Variants in FBXW7 observed in about 807,000 individuals in gnomAD.
The protein encoded by FBXW7 is F-box and WD repeat domain containing 7, also known as F-box/WD repeat-containing protein 7.
A neutral mutation model predicts 86.3 loss-of-function variants in FBXW7; 11 were observed. That is an observed-to-expected ratio of 0.13 (90% CI 0.08 to 0.21). The LOEUF is 0.21. Ranked by LOEUF, FBXW7 falls within the 10% of genes least tolerant of loss-of-function variation. FBXW7 has a pLI of 1.00. For synonymous variants in FBXW7, 313 were observed against 297.9 expected (o/e 1.05, Z -0.52); for missense variants, 488 against 847.4 (o/e 0.58, Z 5.27).
At chr4:152,464,424 T>A (rs774743228) in intron 2 of FBXW7, among the ~76,000 whole-genome samples, 1 of 152,106 alleles carries the variant, frequency 6.6e-6, no homozygotes, top group Non-Finnish European at 1.5e-5. Context: ...AAAAAGGGTA[T>A]AAAATATGAA....
intron 4 of FBXW7, among the ~76,000 whole-genome samples, chr4:152,365,063 T>A (rs747005608): frequency 5.3e-5 from 8 of 152,134 alleles, no homozygotes; most frequent in Non-Finnish European, 8.8e-5. Flanking sequence ...AATGCTGCAG[T>A]GTTCGAAGAG....
At chr4:152,345,049 C>G (rs1024993598) in intron 6 of FBXW7, among the ~76,000 whole-genome samples, 5 of 152,122 alleles carry the variant, frequency 3.3e-5, no homozygotes, top group Non-Finnish European at 5.9e-5. Context: ...ACACTACATG[C>G]ATGTGTTAGC....
intron 2 of FBXW7, among the ~76,000 whole-genome samples, chr4:152,483,472 G>A (rs1032065045): frequency 8.6e-5 from 13 of 151,850 alleles, no homozygotes; most frequent in African/African-American, 3.1e-4. Context: ...GGGAGGCTGA[G>A]GTGAAGGATC....
chr4:152,467,015 AAAGAT>A (rs1465809846), intron 2 of FBXW7, among the ~76,000 whole-genome samples: 10 of 152,350 alleles, frequency 6.6e-5, no homozygotes, highest in East Asian at 1.9e-4. Flanking sequence ...TCTTCACAAG[AAAGAT>A]AAGAACCTGA....
intron 4 of FBXW7, among the ~76,000 whole-genome samples, chr4:152,385,832 C>G (rs1042389528): frequency 6.6e-6 from 1 of 151,940 alleles, no homozygotes; most frequent in Non-Finnish European, 1.5e-5. Flanking sequence ...GTAACAGAAT[C>G]CTGTGTTTGT....
intron 4 of FBXW7, among the ~76,000 whole-genome samples, chr4:152,405,295 T>C (rs1484490625): frequency 2.0e-5 from 3 of 152,006 alleles, no homozygotes; most frequent in Non-Finnish European, 4.4e-5. Context: ...AACTGCACCA[T>C]GAAGAGAAGC....
chr4:152,358,967 CAAGTT>C (rs139758323), intron 4 of FBXW7, among the ~76,000 whole-genome samples: 3,555 of 152,130 alleles, frequency 0.023, 58 homozygotes, highest in Admixed American at 0.038. Flanking sequence ...TGTGGTAGCT[CAAGTT>C]AAGCTAAAAC....
intron 2 of FBXW7, among the ~76,000 whole-genome samples, chr4:152,468,197 A>T (rs1743630397): frequency 6.6e-6 from 1 of 152,180 alleles, no homozygotes; most frequent in Non-Finnish European, 1.5e-5. Context: ...TGTTGGTGGT[A>T]TTGTAAAATG....
At chr4:152,354,135 T>C (rs544926806) in intron 4 of FBXW7, among the ~76,000 whole-genome samples, 1 of 152,200 alleles carries the variant, frequency 6.6e-6, no homozygotes, top group South Asian at 2.1e-4. Context: ...TCTTTTACTT[T>C]AAAACATAAA....
intron 11 of FBXW7, 121 bp from the exon 12 acceptor site, chr4:152,326,352 T>TA (rs1729017671): frequency 1.5e-6 from 1 of 665,676 alleles, no homozygotes; most frequent in Non-Finnish European, 2.5e-6. Flanking sequence ...TTTTTTTTTT[T>TA]ACACAGCAAC....
chr4:152,508,076 A>G (rs1747595654), intron 2 of FBXW7, among the ~76,000 whole-genome samples: 1 of 147,306 alleles, frequency 6.8e-6, no homozygotes, highest in East Asian at 2.0e-4. Context: ...ACTCAAAAAG[A>G]AAAAAAAAAA....
At chr4:152,414,371 G>A (rs916134965) in intron 2 of FBXW7, among the ~76,000 whole-genome samples, 11 of 151,992 alleles carry the variant, frequency 7.2e-5, no homozygotes, top group African/African-American at 2.7e-4. Flanking sequence ...ACTTGTTCAT[G>A]GTATGAGAGC....
chr4:152,429,192 A>G (rs1447477802), intron 2 of FBXW7, among the ~76,000 whole-genome samples: 1 of 152,122 alleles, frequency 6.6e-6, no homozygotes, highest in Admixed American at 6.6e-5. Context: ...CTCCATCTCA[A>G]AAAAAAGAGA....
rs577820360 is a variant in FBXW7, at chr4:152,516,333, TAG to T, written c.-120+18606_-120+18607del. 2.2e-3 allele frequency among the ~76,000 whole-genome samples: 335 copies of T among 152,334 alleles called. 2 individuals carry two copies. Among genetic ancestry groups the T allele is most frequent in the African/African-American group, 6.3e-3 (263 of 41,586 alleles). On this transcript the variant is annotated intron_variant, in intron 2 of 13. Coordinates refer to ENST00000281708, the MANE Select transcript of FBXW7 (RefSeq NM_001349798.2). ...CCTCCTGTCAGATCAGCTGTGGCAT[TAG>T]AGTCTCATAGGAGCACAAACACTAT... is the stretch of plus-strand genomic sequence containing the variant.
chr4:152,327,235 A>T (rs1344836748), intron 11 of FBXW7, among the ~76,000 whole-genome samples: 2 of 152,018 alleles, frequency 1.3e-5, no homozygotes, highest in Non-Finnish European at 2.9e-5. Context: ...CATCCCCCAA[A>T]TTTTAACAGT....
At chr4:152,492,725 T>C (rs1041369716) in intron 2 of FBXW7, among the ~76,000 whole-genome samples, 1 of 152,236 alleles carries the variant, frequency 6.6e-6, no homozygotes, top group African/African-American at 2.4e-5. Flanking sequence ...GAGGAAAAGG[T>C]ATATTACGCC....
At position 152,535,581 on chromosome 4, in the gene FBXW7, C is replaced by A; in HGVS notation, c.-667G>T. The stretch of plus-strand genomic sequence containing the variant: ...TACGGCCCCGGGCGGGTGGCCGAGT[C>A]GGCGGCAAGGCGAGGGACCCGGCCG... On this transcript the variant is annotated 5_prime_UTR_variant, in exon 1 of 14. Transcript: ENST00000281708. 2.5e-6 allele frequency: 1 copy of A among 396,786 alleles called. No homozygotes were observed. The highest frequency in any genetic ancestry group is 1.3e-4 in the South Asian group (1 of 7,838). The allele number at this position is 396,786 out of a possible 1,614,324, so 24.6% of individuals were successfully genotyped here.
intron 2 of FBXW7, among the ~76,000 whole-genome samples, chr4:152,490,034 G>T (rs1384484760): frequency 2.6e-5 from 4 of 152,030 alleles, no homozygotes; most frequent in African/African-American, 9.7e-5. Flanking sequence ...GCTACAACAT[G>T]AATTAACTTT....
intron 4 of FBXW7, among the ~76,000 whole-genome samples, chr4:152,375,726 T>C (rs1221864508): frequency 6.6e-6 from 1 of 152,062 alleles, no homozygotes; most frequent in East Asian, 1.9e-4. Flanking sequence ...TAAGAATAAA[T>C]GTGCTTTAAA....
Sources: gnomAD v4.1 joint callset for allele counts (sites outside exome capture counted in the v4.1 genomes callset) on GRCh38, gnomAD v4.1.1 for gene constraint, MANE v1.5 for transcripts, NCBI Gene and HGNC (gene_info 2026-07-23, HGNC 2026-07-21) for gene names.